Variants in GNA12 observed in about 807,000 individuals in gnomAD.
The protein encoded by GNA12 is G protein subunit alpha 12, also known as guanine nucleotide-binding protein subunit alpha-12.
In GNA12, 9 loss-of-function variants were observed where a neutral mutation model predicts 26.0. That is an observed-to-expected ratio of 0.35 (90% CI 0.21 to 0.60). GNA12 has a LOEUF of 0.60. Ranked by LOEUF, GNA12 falls within the 20% of genes least tolerant of loss-of-function variation. The probability of loss-of-function intolerance (pLI) is 0.78; values close to 1 mark genes in which losing one functional copy is unlikely to be tolerated. For synonymous variants in GNA12, 264 were observed against 219.6 expected (o/e 1.20, Z -1.79); for missense variants, 405 against 525.8 (o/e 0.77, Z 2.25).
chr7:2,768,989 C>T (rs1791882608), intron 2 of GNA12, among the ~76,000 whole-genome samples: 3 of 152,210 alleles, frequency 2.0e-5, no homozygotes, highest in Admixed American at 2.0e-4. Context: ...CGGCTCCCTC[C>T]ACCTCCTGGG....
intron 2 of GNA12, among the ~76,000 whole-genome samples, chr7:2,779,208 G>T (rs1350175353): frequency 6.6e-6 from 1 of 152,036 alleles, no homozygotes; most frequent in East Asian, 1.9e-4. Context: ...TAAAAAGCCT[G>T]ATGTGGTGGC....
At chr7:2,750,276 C>A (rs1790967740) in intron 2 of GNA12, among the ~76,000 whole-genome samples, 1 of 152,220 alleles carries the variant, frequency 6.6e-6, no homozygotes, top group African/African-American at 2.4e-5. Flanking sequence ...GGACACACTG[C>A]TGCCCCCAAA....
At chr7:2,733,818 G>A (rs1197332369) in intron 2 of GNA12, among the ~76,000 whole-genome samples, 2 of 152,192 alleles carry the variant, frequency 1.3e-5, no homozygotes, top group Non-Finnish European at 1.5e-5. Flanking sequence ...CATGAAGGCT[G>A]GCCCACTCCT....
At position 2,731,067 on chromosome 7, in the gene GNA12, C is replaced by T; in HGVS notation, c.*114G>A. ...GACAGCATTCCTGAGCCAGGTATTC[C>T]AGGGCACGGATCCGAGAAACCCACT... is the stretch of plus-strand genomic sequence containing the variant. On this transcript the variant is annotated 3_prime_UTR_variant, in exon 4 of 4. Coordinates refer to ENST00000275364, the MANE Select transcript of GNA12 (RefSeq NM_007353.3). This position sits in a 1 kb window ranked among gnomAD's most constrained non-coding sequence, Gnocchi z 6.0. 1 of 683,478 alleles carries T rather than the reference C, an allele frequency of 1.5e-6. No homozygotes were observed. 42.3% of individuals were successfully genotyped at this position (683,478 alleles called of 1,614,324 possible). A position where few individuals can be genotyped will look rare whatever the true frequency, so the allele number is the denominator to read the frequency against.
chr7:2,771,984 T>G (rs965618992), intron 2 of GNA12, among the ~76,000 whole-genome samples: 1 of 152,190 alleles, frequency 6.6e-6, no homozygotes, highest in South Asian at 2.1e-4. Context: ...GAGCATGTGG[T>G]GTCTCACCAC....
chr7:2,813,805 T>G (rs1036178114), intron 1 of GNA12, among the ~76,000 whole-genome samples: 1 of 152,096 alleles, frequency 6.6e-6, no homozygotes, highest in Non-Finnish European at 1.5e-5. Context: ...TGATGTTAAT[T>G]TCACTGAACT....
chr7:2,801,398 A>C (rs1366259339), intron 1 of GNA12, among the ~76,000 whole-genome samples: 1 of 152,182 alleles, frequency 6.6e-6, no homozygotes, highest in African/African-American at 2.4e-5. Flanking sequence ...GTCACTTACG[A>C]AGACTGCAGG....
At chr7:2,778,376 T>C (rs762961026) in intron 2 of GNA12, among the ~76,000 whole-genome samples, 17 of 152,314 alleles carry the variant, frequency 1.1e-4, no homozygotes, top group African/African-American at 3.1e-4. Flanking sequence ...ATGGATTGCA[T>C]CAGCCCATCT....
rs1013622469 is a variant in GNA12, at chr7:2,818,392, A to G, written c.310-23249T>C. Among the ~76,000 whole-genome samples, 3 of 152,218 alleles carry G rather than the reference A, an allele frequency of 2.0e-5. No individual in the cohort carries two copies. The East Asian group carries it at 5.8e-4, about 29-fold the overall frequency. ...GCTGCCAAATGTCCCCCTGGGGAGC[A>G]TAGTCTCTCCAACGGAGAACCACTG... On this transcript the variant is annotated intron_variant, in intron 1 of 3. Transcript: ENST00000275364.
chr7:2,839,155 A>T (rs1778919601), intron 1 of GNA12, among the ~76,000 whole-genome samples: 1 of 152,264 alleles, frequency 6.6e-6, no homozygotes, highest in Admixed American at 6.5e-5. Context: ...TACATTTAAA[A>T]GAAGTGAAAC....
chr7:2,772,515 G>C (rs1300363589), intron 2 of GNA12, among the ~76,000 whole-genome samples: 3 of 150,442 alleles, frequency 2.0e-5, no homozygotes, highest in Non-Finnish European at 4.4e-5. Flanking sequence ...AGCCAAGATC[G>C]CACCACTGCA....
At chr7:2,773,422 C>A (rs570610701) in intron 2 of GNA12, among the ~76,000 whole-genome samples, 1 of 152,192 alleles carries the variant, frequency 6.6e-6, no homozygotes, top group East Asian at 1.9e-4. Context: ...ATTAGCCAGG[C>A]GTGGTGGTGG....
intron 2 of GNA12, among the ~76,000 whole-genome samples, chr7:2,741,847 T>A (rs183617637): frequency 5.3e-5 from 8 of 150,626 alleles, no homozygotes; most frequent in African/African-American, 2.0e-4. Flanking sequence ...ATAAGAGTAT[T>A]CATCTAGGAT....
chr7:2,834,136 G>T (rs1347876753), intron 1 of GNA12, among the ~76,000 whole-genome samples: 1 of 152,208 alleles, frequency 6.6e-6, no homozygotes, highest in Non-Finnish European at 1.5e-5. Context: ...GCAGTCCAAA[G>T]AAAGCCACCA....
intron 1 of GNA12, among the ~76,000 whole-genome samples, chr7:2,798,887 A>G (rs1024321650): frequency 1.3e-5 from 2 of 152,248 alleles, no homozygotes; most frequent in Non-Finnish European, 2.9e-5. Context: ...AAGCAATTAA[A>G]AAGAGGAAGC....
intron 1 of GNA12, among the ~76,000 whole-genome samples, chr7:2,834,986 C>A (rs921515114): frequency 7.2e-5 from 11 of 152,000 alleles, no homozygotes; most frequent in African/African-American, 2.2e-4. Flanking sequence ...CATTGCGATG[C>A]GTGACTATAC....
intron 1 of GNA12, chr7:2,814,215 T>A (rs1237349083): frequency 4.1e-6 from 3 of 726,308 alleles, no homozygotes; most frequent in Non-Finnish European, 7.5e-6. Flanking sequence ...AATCTCCTTT[T>A]ATACATCTAT....
At chr7:2,801,054 G>C (rs1181640632) in intron 1 of GNA12, among the ~76,000 whole-genome samples, 1 of 152,136 alleles carries the variant, frequency 6.6e-6, no homozygotes, top group Non-Finnish European at 1.5e-5. Flanking sequence ...AAGGGTCTCG[G>C]TGCCTTTGTA....
At chr7:2,734,068 G>A (rs1790035926) in intron 2 of GNA12, among the ~76,000 whole-genome samples, 2 of 152,176 alleles carry the variant, frequency 1.3e-5, no homozygotes, top group African/African-American at 4.8e-5. Flanking sequence ...TCTTCCATTT[G>A]GATTGTTGTG....
Sources: allele counts gnomAD v4.1 joint callset (sites outside exome capture counted in the v4.1 genomes callset), GRCh38; gene constraint gnomAD v4.1.1; non-coding constraint Gnocchi (gnomAD v3.1); transcripts MANE v1.5; gene names NCBI Gene and HGNC (gene_info 2026-07-23, HGNC 2026-07-21).